RBMS3: variants seen among roughly 807,000 people sequenced by gnomAD.
RBMS3 encodes the protein RNA binding motif single stranded interacting protein 3, also known as RNA-binding motif, single-stranded-interacting protein 3.
Under a neutral mutation model 66.8 loss-of-function variants are expected in RBMS3, and 27 were observed. The observed-to-expected ratio is 0.40, with a 90% CI of 0.30 to 0.56. The LOEUF is 0.56. Among genes scored for constraint, RBMS3 ranks in the 20% least tolerant of loss-of-function variants. The pLI is 0.40. For missense variants in RBMS3, 513 were observed against 549.5 expected, an observed-to-expected ratio of 0.93 and a Z score of 0.66; for synonymous variants, 188 against 183.0, an observed-to-expected ratio of 1.03 and a Z score of -0.22.
chr3:29,573,352 C>T (rs919316432), intron 3 of RBMS3, among the ~76,000 whole-genome samples: 4 of 152,148 alleles, frequency 2.6e-5, no homozygotes, highest in African/African-American at 9.7e-5. Flanking sequence ...ATCTCCCAAC[C>T]TCTGGTGATT....
At chr3:29,690,746 C>T (rs983146224) in intron 4 of RBMS3, among the ~76,000 whole-genome samples, 1 of 152,064 alleles carries the variant, frequency 6.6e-6, no homozygotes, top group African/African-American at 2.4e-5. Flanking sequence ...TTTTGTTTTG[C>T]CTAAACAGTT....
chr3:29,897,533 A>G, intron 9 of RBMS3, 58 bp downstream of exon 9: 1 of 1,474,270 alleles, frequency 6.8e-7, no homozygotes, highest in Non-Finnish European at 9.5e-7. Flanking sequence ...TACAGTATTT[A>G]GAGGCAAAAA....
intron 3 of RBMS3, among the ~76,000 whole-genome samples, chr3:29,526,627 T>A (rs2045121443): frequency 6.7e-6 from 1 of 149,600 alleles, no homozygotes; most frequent in Non-Finnish European, 1.5e-5. Flanking sequence ...AGAGGGATTT[T>A]AGAGCCTCTT....
chr3:29,792,274 A>T (rs958714474), intron 6 of RBMS3, among the ~76,000 whole-genome samples: 17 of 152,310 alleles, frequency 1.1e-4, no homozygotes, highest in Admixed American at 3.3e-4. Flanking sequence ...TTCATTTTTT[A>T]TTGCCTCAAT....
intron 1 of RBMS3, among the ~76,000 whole-genome samples, chr3:29,294,843 C>T (rs952647259): frequency 6.6e-6 from 1 of 151,556 alleles, no homozygotes; most frequent in South Asian, 2.1e-4. Context: ...AACTGTTAAC[C>T]AATTTTGGAC....
chr3:30,003,990 T>A lies in RBMS3; in HGVS notation c.*128T>A. On this transcript the variant is annotated 3_prime_UTR_variant, in exon 15 of 15. Coordinates refer to ENST00000383767, the MANE Select transcript of RBMS3 (RefSeq NM_001003793.3). ...TTTTTGTTGTTGTTGTTGTTTTTTT[T>A]TTAGTGTTATACCTTACCCAATGAA... 1 of 767,866 alleles carries A rather than the reference T, an allele frequency of 1.3e-6. No homozygotes were observed. The highest frequency in any genetic ancestry group is 1.9e-6 in the Non-Finnish European group (1 of 531,844). The allele number at this position is 767,866 out of a possible 1,614,324, so 47.6% of individuals were successfully genotyped here. A position where few individuals can be genotyped will look rare whatever the true frequency, so the allele number is the denominator to read the frequency against.
At chr3:29,451,634 A>G (rs2125761184) in intron 2 of RBMS3, among the ~76,000 whole-genome samples, 1 of 152,230 alleles carries the variant, frequency 6.6e-6, no homozygotes, top group South Asian at 2.1e-4. Context: ...GAGGGCAGGC[A>G]TGGCAGGTTT....
intron 2 of RBMS3, among the ~76,000 whole-genome samples, chr3:29,446,975 G>A (rs2041856438): frequency 7.5e-6 from 1 of 132,496 alleles, no homozygotes. Context: ...AGTTCGTGGT[G>A]CCATCTTGGC....
intron 12 of RBMS3, among the ~76,000 whole-genome samples, chr3:29,946,227 A>G (rs1363229173): frequency 2.6e-5 from 4 of 151,708 alleles, no homozygotes; most frequent in Non-Finnish European, 5.9e-5. Flanking sequence ...GAGAAATTGA[A>G]TCTGCTTTTC....
chr3:29,421,159 C>T (rs2125701962), intron 1 of RBMS3, among the ~76,000 whole-genome samples: 1 of 151,762 alleles, frequency 6.6e-6, no homozygotes, highest in East Asian at 1.9e-4. Context: ...TCACTATTTG[C>T]CAAGTTTTAC....
intron 6 of RBMS3, among the ~76,000 whole-genome samples, chr3:29,848,022 A>C (rs1205718516): frequency 6.6e-6 from 1 of 152,006 alleles, no homozygotes; most frequent in Non-Finnish European, 1.5e-5. Flanking sequence ...GGGCTGGAAC[A>C]CTCATTCTCA....
intron 3 of RBMS3, among the ~76,000 whole-genome samples, chr3:29,490,042 C>CAAAAAA (rs1245001930): frequency 4.0e-5 from 2 of 49,976 alleles, no homozygotes; most frequent in South Asian, 8.3e-4. Flanking sequence ...GACTCCCTCT[C>CAAAAAA]AAAAAAAAAA....
intron 12 of RBMS3, among the ~76,000 whole-genome samples, chr3:29,968,508 C>T (rs771145286): frequency 1.3e-5 from 2 of 152,206 alleles, no homozygotes; most frequent in Admixed American, 6.5e-5. Flanking sequence ...CGGTGAGCTC[C>T]CAGGGCCTTT....
intron 5 of RBMS3, among the ~76,000 whole-genome samples, chr3:29,744,060 T>C (rs2054762930): frequency 6.6e-6 from 1 of 152,110 alleles, no homozygotes; most frequent in South Asian, 2.1e-4. Context: ...CTGACACTGC[T>C]GATATGGGAA....
intron 1 of RBMS3, among the ~76,000 whole-genome samples, chr3:29,315,660 A>T (rs900234406): frequency 6.6e-6 from 1 of 151,760 alleles, no homozygotes; most frequent in African/African-American, 2.4e-5. Flanking sequence ...ATGTACTGTT[A>T]AACATTAAAC....
chr3:29,856,997 G>GA (rs1189608160), intron 6 of RBMS3, among the ~76,000 whole-genome samples: 10 of 152,050 alleles, frequency 6.6e-5, no homozygotes, highest in African/African-American at 2.4e-4. Flanking sequence ...TCTTGAATTA[G>GA]AAAAAATACC....
intron 6 of RBMS3, among the ~76,000 whole-genome samples, chr3:29,799,975 A>G (rs2057337031): frequency 6.6e-6 from 1 of 152,154 alleles, no homozygotes; most frequent in Non-Finnish European, 1.5e-5. Context: ...CTTCATCAAG[A>G]TTTATCGTCA....
intron 1 of RBMS3, among the ~76,000 whole-genome samples, chr3:29,339,263 C>A (rs567649499): frequency 1.8e-4 from 27 of 152,148 alleles, no homozygotes; most frequent in Non-Finnish European, 3.5e-4. Context: ...TCCTTGTCTG[C>A]CTGAAGACAG....
intron 3 of RBMS3, among the ~76,000 whole-genome samples, chr3:29,557,479 G>A (rs17545565): frequency 0.02 from 3,073 of 152,342 alleles, 48 homozygotes; most frequent in Non-Finnish European, 0.026. Flanking sequence ...AGACGCTTAG[G>A]TAGCAAGATA....
Sources: allele counts gnomAD v4.1 joint callset (sites outside exome capture counted in the v4.1 genomes callset), GRCh38; gene constraint gnomAD v4.1.1; transcripts MANE v1.5; gene names NCBI Gene and HGNC (gene_info 2026-07-23, HGNC 2026-07-21).